DAB1: variants seen among roughly 807,000 people sequenced by gnomAD.
DAB1 encodes DAB adaptor protein 1, also known as disabled homolog 1.
In DAB1, 15 loss-of-function variants were observed where a neutral mutation model predicts 64.6. The observed-to-expected ratio is 0.23, with a 90% confidence interval of 0.16 to 0.36. The LOEUF is 0.36. Ranked by LOEUF, DAB1 falls within the 10% of genes least tolerant of loss-of-function variation. The pLI is 1.00. For missense variants in DAB1, 596 were observed against 706.7 expected, an observed-to-expected ratio of 0.84 and a Z score of 1.78; for synonymous variants, 235 against 251.9, an observed-to-expected ratio of 0.93 and a Z score of 0.64.
intron 5 of DAB1, among the ~76,000 whole-genome samples, chr1:58,009,086 A>G (rs1403194806): frequency 6.6e-6 from 1 of 152,186 alleles, no homozygotes; most frequent in Non-Finnish European, 1.5e-5. Flanking sequence ...TACTAATGTA[A>G]GCTAGGCCCA....
intron 1 of DAB1, among the ~76,000 whole-genome samples, chr1:58,529,044 C>T (rs199895495): frequency 6.6e-6 from 1 of 152,118 alleles, no homozygotes; most frequent in African/African-American, 2.4e-5. Context: ...CACATTAATT[C>T]TTTTAATTTC....
intron 1 of DAB1, among the ~76,000 whole-genome samples, chr1:57,310,347 C>A (rs756077830): frequency 2.0e-5 from 3 of 152,072 alleles, no homozygotes; most frequent in African/African-American, 7.2e-5. Context: ...GAACAGCAAG[C>A]CCCAAAAACT....
At chr1:58,252,466 A>G (rs1023502395) in intron 4 of DAB1, among the ~76,000 whole-genome samples, 3 of 152,240 alleles carry the variant, frequency 2.0e-5, no homozygotes, top group African/African-American at 7.2e-5. Context: ...AATAGAAAGG[A>G]AAACAGAGCT....
intron 2 of DAB1, among the ~76,000 whole-genome samples, chr1:57,201,548 C>G (rs1665097813): frequency 6.6e-6 from 1 of 151,874 alleles, no homozygotes; most frequent in African/African-American, 2.4e-5. Context: ...TATGTGAGGG[C>G]CCTATTTACG....
intron 3 of DAB1, among the ~76,000 whole-genome samples, chr1:58,411,411 T>A (rs181843242): frequency 1.3e-5 from 2 of 152,294 alleles, no homozygotes; most frequent in East Asian, 3.9e-4. Context: ...TTACAAGCAT[T>A]TATACATAGA....
chr1:57,129,448 T>C (rs1388040190), intron 4 of DAB1, among the ~76,000 whole-genome samples: 2 of 152,054 alleles, frequency 1.3e-5, no homozygotes, highest in Non-Finnish European at 2.9e-5. Flanking sequence ...GGGGCAGCCA[T>C]GGGCCAGTGG....
At chr1:57,857,766 G>A (rs1232763048) in intron 1 of DAB1, among the ~76,000 whole-genome samples, 3 of 149,440 alleles carry the variant, frequency 2.0e-5, no homozygotes, top group African/African-American at 7.4e-5. Context: ...AAATGTTTAA[G>A]ATGTGACAAA....
intron 1 of DAB1, among the ~76,000 whole-genome samples, chr1:57,869,399 A>T (rs547839909): frequency 6.6e-6 from 1 of 151,604 alleles, no homozygotes; most frequent in East Asian, 1.9e-4. Flanking sequence ...CCTGATAAAT[A>T]GTAGGTACTC....
intron 3 of DAB1, among the ~76,000 whole-genome samples, chr1:57,139,811 G>A (rs1453722769): frequency 6.6e-6 from 1 of 152,134 alleles, no homozygotes; most frequent in Non-Finnish European, 1.5e-5. Flanking sequence ...GTAGAATATG[G>A]CTGTAGGTAA....
chr1:58,123,687 C>A (rs989774644), intron 5 of DAB1, among the ~76,000 whole-genome samples: 1 of 152,106 alleles, frequency 6.6e-6, no homozygotes, highest in African/African-American at 2.4e-5. Context: ...GATCTCCAGG[C>A]CTTTAGTATC....
intron 4 of DAB1, among the ~76,000 whole-genome samples, chr1:58,318,709 T>C (rs915123112): frequency 2.0e-5 from 3 of 152,232 alleles, no homozygotes; most frequent in South Asian, 2.1e-4. Context: ...CTGCCTCACA[T>C]CATCTATTTG....
chr1:57,200,155 T>C (rs149441917), intron 2 of DAB1, among the ~76,000 whole-genome samples: 96 of 152,348 alleles, frequency 6.3e-4, no homozygotes, highest in African/African-American at 1.7e-3. Context: ...CTGGTGACTA[T>C]ACTCCTGTCT....
chr1:57,116,477 A>AAAAG (rs1656136297), intron 4 of DAB1, among the ~76,000 whole-genome samples: 1 of 147,058 alleles, frequency 6.8e-6, no homozygotes, highest in Non-Finnish European at 1.5e-5. Context: ...AAAAAAAAAA[A>AAAAG]AAAAAAGAAA....
chr1:57,612,553 A>G (rs1645741420), intron 7 of DAB1, among the ~76,000 whole-genome samples: 2 of 152,074 alleles, frequency 1.3e-5, no homozygotes, highest in East Asian at 3.9e-4. Context: ...ACATGGAGGA[A>G]GAGGCCACGG....
chr1:57,627,727 A>C (rs1434734200), intron 7 of DAB1, among the ~76,000 whole-genome samples: 3 of 152,246 alleles, frequency 2.0e-5, no homozygotes, highest in African/African-American at 7.2e-5. Context: ...GATTTGAACC[A>C]AAACCTGACT....
At chr1:57,567,455 G>A (rs1308805344) in intron 7 of DAB1, among the ~76,000 whole-genome samples, 1 of 152,098 alleles carries the variant, frequency 6.6e-6, no homozygotes, top group African/African-American at 2.4e-5. Context: ...AGAAATAAAG[G>A]GTATTCAATT....
At chr1:58,269,227 A>C (rs1661253035) in intron 4 of DAB1, among the ~76,000 whole-genome samples, 1 of 145,432 alleles carries the variant, frequency 6.9e-6, no homozygotes, top group East Asian at 2.1e-4. Flanking sequence ...ATGTGATCTC[A>C]TTGTTCAATT....
intron 6 of DAB1, among the ~76,000 whole-genome samples, chr1:57,701,700 A>AATC (rs1646910316): frequency 6.6e-6 from 1 of 151,670 alleles, no homozygotes; most frequent in South Asian, 2.1e-4. Flanking sequence ...TAATAATAAT[A>AATC]ATAAAATAAA....
chr1:57,335,362 T>G (rs1364043838), intron 1 of DAB1, among the ~76,000 whole-genome samples: 1 of 152,208 alleles, frequency 6.6e-6, no homozygotes, highest in African/African-American at 2.4e-5. Context: ...ACAATTTGTA[T>G]TGTCAATAAA....
Sources: allele counts gnomAD v4.1 joint callset (sites outside exome capture counted in the v4.1 genomes callset), GRCh38; gene constraint gnomAD v4.1.1; transcripts MANE v1.5; gene names NCBI Gene and HGNC (gene_info 2026-07-23, HGNC 2026-07-21).